CR1: variants seen among roughly 807,000 people sequenced by gnomAD.
The protein encoded by CR1 is complement C3b/C4b receptor 1 (Knops blood group), also known as complement receptor type 1.
A neutral mutation model predicts 187.3 loss-of-function variants in CR1; 116 were observed. The ratio of observed to expected loss-of-function variants is 0.62; its 90% CI spans 0.53 to 0.72. The LOEUF is 0.72. CR1 is among the 30% of genes least tolerant of loss of function. The pLI is 0.00. For missense variants in CR1, 1,731 were observed against 2,110.7 expected, an observed-to-expected ratio of 0.82 and a Z score of 3.52; for synonymous variants, 576 against 747.1, an observed-to-expected ratio of 0.77 and a Z score of 3.73.
At chr1:207,525,916 A>G (rs1660153679) in intron 5 of CR1, among the ~76,000 whole-genome samples, 1 of 152,088 alleles carries the variant, frequency 6.6e-6, no homozygotes, top group African/African-American at 2.4e-5. Flanking sequence ...AGAAAGCTGA[A>G]GTCCAGAAAA....
At chr1:207,625,184 A>G (rs748056284) in intron 45 of CR1, among the ~76,000 whole-genome samples, 6 of 152,256 alleles carry the variant, frequency 3.9e-5, no homozygotes, top group Non-Finnish European at 7.3e-5. Context: ...TGTCTTGTAA[A>G]GTCTAAGCAA....
Position 207,580,532 on chromosome 1 carries a change from T to C in CR1, c.5135T>C (p.Leu1712Ser), listed in dbSNP as rs772270332. Residue 1712 changes from leucine to serine, a missense_variant, in exon 31 of 47, where the codon TTG (leucine) becomes TCG (serine). Around this residue, in one of 5 missense-constraint regions of CR1, gnomAD observed 1,312 missense variants for 1,379.6 expected, o/e 0.95. Transcript: ENST00000367049. ...RCAVKSCDDF[L>S]GQLPHGRVLF... ...CTAGTGAAATCCTGTGATGACTTCT[T>C]GGGTCAACTCCCTCATGGCCGTGTG... 6.2e-7 allele frequency: 1 copy of C among 1,613,256 alleles called. No homozygotes were observed. The highest frequency in any genetic ancestry group is 8.5e-7 in the Non-Finnish European group (1 of 1,179,694).
In CR1 at chr1:207,607,257, A is replaced by G. The variant is rs747070824; in HGVS notation, c.5817A>G (p.Arg1939=). Residue 1939 remains arginine (R), a synonymous_variant, in exon 36 of 47, where the codon CGA becomes CGG. Transcript: ENST00000367049. ...TTTCTATCCTTTGCTTTAGGTTTCG[A>G]CTCATTGGTTCCCCATCTACTACTT... The part of the protein sequence containing the change: ...TVNYSCNEGF[R]LIGSPSTTCL... 2 of 1,612,782 alleles carry G rather than the reference A, an allele frequency of 1.2e-6. No individual in the cohort carries two copies. Among genetic ancestry groups the G allele is most frequent in the Non-Finnish European group, 1.7e-6 (2 of 1,178,946 alleles).
chr1:207,520,251 A>T (rs1427306385), intron 4 of CR1, among the ~76,000 whole-genome samples: 3 of 152,140 alleles, frequency 2.0e-5, no homozygotes. Context: ...TGCCTTATAC[A>T]ACTGCCTCCT....
chr1:207,612,470 T>C (rs1428056904), intron 39 of CR1, among the ~76,000 whole-genome samples: 1 of 152,248 alleles, frequency 6.6e-6, no homozygotes, highest in African/African-American at 2.4e-5. Flanking sequence ...TAATAGTGCA[T>C]GGATAAGTGT....
chr1:207,579,577 G>A (rs769647349), intron 29 of CR1, among the ~76,000 whole-genome samples: 2 of 152,164 alleles, frequency 1.3e-5, no homozygotes, highest in Non-Finnish European at 2.9e-5. Context: ...CCATGGCAAC[G>A]ACCTAGAAGT....
At chr1:207,632,928 TG>T (rs1307925220) in intron 46 of CR1, among the ~76,000 whole-genome samples, 1 of 152,066 alleles carries the variant, frequency 6.6e-6, no homozygotes, top group African/African-American at 2.4e-5. Flanking sequence ...CAGAGTGCTA[TG>T]GGGGAAAAGT....
At chr1:207,588,652 C>T (rs779306046) in intron 34 of CR1, 23 bp from the exon 35 acceptor site, 31 of 1,547,694 alleles carry the variant, frequency 2.0e-5, no homozygotes, top group Admixed American at 1.4e-4. Flanking sequence ...ATATTTAATC[C>T]CAAATTCTGC....
chr1:207,583,357 T>C (rs547458416), intron 32 of CR1, among the ~76,000 whole-genome samples: 1 of 152,286 alleles, frequency 6.6e-6, no homozygotes, highest in East Asian at 1.9e-4. Context: ...TGGCAAACAC[T>C]GATTGGAATG....
intron 23 of CR1, among the ~76,000 whole-genome samples, chr1:207,565,181 A>T (rs1660455524): frequency 6.7e-6 from 1 of 150,124 alleles, no homozygotes; most frequent in South Asian, 2.1e-4. Flanking sequence ...ATAATGTAAC[A>T]CAGAATCTTG....
At chr1:207,623,128 A>G (rs1313274245) in intron 45 of CR1, 60 bp downstream of exon 45, 14 of 1,167,802 alleles carry the variant, frequency 1.2e-5, no homozygotes, top group Non-Finnish European at 1.7e-5. Context: ...CTTGGAAGTC[A>G]AAAGAAAGTA....
chr1:207,508,720 G>GTT (rs76451319), intron 3 of CR1, among the ~76,000 whole-genome samples: 1 of 143,524 alleles, frequency 7.0e-6, no homozygotes, highest in Non-Finnish European at 1.5e-5. Flanking sequence ...AAAGTAAAAA[G>GTT]TTTTTTTTTT....
intron 45 of CR1, among the ~76,000 whole-genome samples, chr1:207,627,829 C>A (rs1382816145): frequency 6.6e-6 from 1 of 152,136 alleles, no homozygotes; most frequent in African/African-American, 2.4e-5. Context: ...AAGGCAACTG[C>A]AAATTCAGTG....
chr1:207,632,517 T>C (rs1662674615), intron 46 of CR1, among the ~76,000 whole-genome samples: 1 of 152,134 alleles, frequency 6.6e-6, no homozygotes, highest in South Asian at 2.1e-4. Context: ...GGCTGGGCGC[T>C]GTGGCTCACG....
intron 40 of CR1, 79 bp from the exon 41 acceptor site, chr1:207,616,496 G>A (rs55753906): frequency 2.7e-5 from 39 of 1,452,734 alleles, no homozygotes; most frequent in South Asian, 1.6e-4. Flanking sequence ...CTTTTTAAGC[G>A]CACAGTCACA....
At chr1:207,572,489 T>C (rs1211297151) in intron 27 of CR1, among the ~76,000 whole-genome samples, 1 of 151,976 alleles carries the variant, frequency 6.6e-6, no homozygotes, top group African/African-American at 2.4e-5. Flanking sequence ...TAAACCTTTT[T>C]TTAAAGTATG....
chr1:207,572,484 C>T (rs1660608605), intron 27 of CR1, among the ~76,000 whole-genome samples: 1 of 151,782 alleles, frequency 6.6e-6, no homozygotes, highest in African/African-American at 2.4e-5. Context: ...ATCAATAAAC[C>T]TTTTTTTAAA....
At chr1:207,582,337 C>G (rs1053933085) in intron 32 of CR1, among the ~76,000 whole-genome samples, 3 of 152,154 alleles carry the variant, frequency 2.0e-5, no homozygotes, top group Non-Finnish European at 4.4e-5. Context: ...TTCAGTTCTT[C>G]CCTCAATCAT....
intron 35 of CR1, among the ~76,000 whole-genome samples, chr1:207,592,248 G>A (rs1282259120): frequency 6.6e-6 from 1 of 152,132 alleles, no homozygotes; most frequent in Non-Finnish European, 1.5e-5. Flanking sequence ...TATCCACAAC[G>A]ATCAAGCTGG....
Sources: allele counts gnomAD v4.1 joint callset (sites outside exome capture counted in the v4.1 genomes callset), GRCh38; gene constraint gnomAD v4.1.1; regional missense constraint gnomAD v4.1.1; transcripts MANE v1.5; gene names NCBI Gene and HGNC (gene_info 2026-07-23, HGNC 2026-07-21).